The following SLC9A9 variants were observed in gnomAD, a reference collection of about 807,000 sequenced individuals.
SLC9A9 encodes sodium/hydrogen exchanger 9.
SLC9A9 carries 62 observed loss-of-function variants against 77.8 expected under a neutral mutation model. The observed-to-expected ratio is 0.80, with a 90% CI of 0.65 to 0.98. SLC9A9 has a LOEUF of 0.98. SLC9A9 is among the 50% of genes least tolerant of loss of function. The pLI is 0.00. For missense variants in SLC9A9, 775 were observed against 774.9 expected (o/e 1.00, Z 0.00); for synonymous variants, 320 against 283.5 (o/e 1.13, Z -1.29).
intron 2 of SLC9A9, among the ~76,000 whole-genome samples, chr3:143,825,213 T>A (rs6768399): frequency 0.031 from 4,679 of 152,306 alleles, 222 homozygotes; most frequent in African/African-American, 0.1. Context: ...TAGTGTTAAC[T>A]GTACATATTT....
chr3:143,345,836 T>C (rs76949591), intron 14 of SLC9A9, among the ~76,000 whole-genome samples: 1,816 of 152,126 alleles, frequency 0.012, 33 homozygotes, highest in African/African-American at 0.042. Flanking sequence ...AAGGGTGATA[T>C]GGAAATAGTG....
chr3:143,379,016 A>T (rs1355329238), intron 13 of SLC9A9, among the ~76,000 whole-genome samples: 1 of 150,970 alleles, frequency 6.6e-6, no homozygotes, highest in African/African-American at 2.4e-5. Context: ...ATTTAAAAAC[A>T]TATTAATATA....
At chr3:143,467,711 T>G (rs989568171) in intron 11 of SLC9A9, among the ~76,000 whole-genome samples, 2 of 128,954 alleles carry the variant, frequency 1.6e-5, no homozygotes, top group Non-Finnish European at 3.6e-5. Context: ...AGTGACAGAA[T>G]AAGTCCCTGG....
intron 12 of SLC9A9, among the ~76,000 whole-genome samples, chr3:143,409,311 T>C (rs1448813420): frequency 6.6e-6 from 1 of 152,218 alleles, no homozygotes; most frequent in Non-Finnish European, 1.5e-5. Flanking sequence ...CAATCGTTTT[T>C]GGGATAATGC....
At chr3:143,471,786 A>G (rs1310312845) in intron 11 of SLC9A9, among the ~76,000 whole-genome samples, 1 of 152,194 alleles carries the variant, frequency 6.6e-6, no homozygotes, top group Non-Finnish European at 1.5e-5. Flanking sequence ...CCAGTTGGAA[A>G]TTTAGCATCA....
At chr3:143,581,208 A>G (rs7632471) in intron 6 of SLC9A9, among the ~76,000 whole-genome samples, 3,716 of 152,248 alleles carry the variant, frequency 0.024, 136 homozygotes, top group African/African-American at 0.085. Flanking sequence ...GGCAGTGGAA[A>G]GAGTGTAAAG....
chr3:143,649,372 CT>C (rs2038760544), intron 6 of SLC9A9, among the ~76,000 whole-genome samples: 2 of 152,152 alleles, frequency 1.3e-5, no homozygotes, highest in African/African-American at 2.4e-5. Flanking sequence ...AACTTCAAAA[CT>C]TTTATGTTAA....
chr3:143,714,473 T>C (rs114404185), intron 4 of SLC9A9, among the ~76,000 whole-genome samples: 1,598 of 152,354 alleles, frequency 0.01, 34 homozygotes, highest in African/African-American at 0.037. Context: ...TCCAGTCTAA[T>C]ATATCTCTTC....
At chr3:143,807,304 T>A (rs1393607053) in intron 2 of SLC9A9, among the ~76,000 whole-genome samples, 1 of 152,176 alleles carries the variant, frequency 6.6e-6, no homozygotes, top group African/African-American at 2.4e-5. Flanking sequence ...AGATCATCAT[T>A]TTCAGCTTCT....
At chr3:143,304,396 A>T (rs1357182300) in intron 14 of SLC9A9, among the ~76,000 whole-genome samples, 1 of 152,214 alleles carries the variant, frequency 6.6e-6, no homozygotes, top group African/African-American at 2.4e-5. Flanking sequence ...TTCTGGTTAG[A>T]CATGGGATGT....
intron 4 of SLC9A9, among the ~76,000 whole-genome samples, chr3:143,713,497 G>A (rs1281141788): frequency 6.6e-6 from 1 of 152,088 alleles, no homozygotes; most frequent in African/African-American, 2.4e-5. Flanking sequence ...AGAAAGGCAG[G>A]GGAACAAAAA....
intron 15 of SLC9A9, among the ~76,000 whole-genome samples, chr3:143,268,118 C>T (rs1057223307): frequency 7.9e-5 from 12 of 152,170 alleles, no homozygotes; most frequent in African/African-American, 2.9e-4. Flanking sequence ...TGCCTGTGTA[C>T]AGGGCTAGCC....
At chr3:143,556,584 C>T (rs1053519158) in intron 8 of SLC9A9, among the ~76,000 whole-genome samples, 4 of 152,198 alleles carry the variant, frequency 2.6e-5, no homozygotes, top group Non-Finnish European at 4.4e-5. Flanking sequence ...CTCTTAGGAG[C>T]TTCTAGATTC....
intron 4 of SLC9A9, among the ~76,000 whole-genome samples, chr3:143,746,987 T>TC (rs1214470214): frequency 6.6e-6 from 1 of 152,104 alleles, no homozygotes; most frequent in African/African-American, 2.4e-5. Flanking sequence ...AAGCCTTTTT[T>TC]CCCCCTCAAA....
At position 143,694,829 on chromosome 3, in the gene SLC9A9, G is replaced by C. The variant is rs73009345; in HGVS notation, c.534-1522C>G. Among the ~76,000 whole-genome samples the C allele has an allele frequency of 8.9e-3, 1,362 of 152,218 alleles. 26 individuals are homozygous for C. The highest frequency in any genetic ancestry group is 0.031 in the African/African-American group (1,298 of 41,540). ...GTTAGTTGCTCTAGGTAGTCCAAAA[G>C]ACAGCAATGAAGTATCCCTAAGAAC... On this transcript the variant is annotated intron_variant, in intron 4 of 15. Transcript: ENST00000316549.
chr3:143,380,932 C>A (rs1053376823), intron 13 of SLC9A9, among the ~76,000 whole-genome samples: 2 of 152,176 alleles, frequency 1.3e-5, no homozygotes, highest in African/African-American at 4.8e-5. Context: ...CCTTAGAATA[C>A]AAATACGCTC....
chr3:143,844,756 TC>T (rs1559824792), intron 1 of SLC9A9, among the ~76,000 whole-genome samples: 1 of 149,152 alleles, frequency 6.7e-6, no homozygotes, highest in Non-Finnish European at 1.5e-5. Flanking sequence ...TTTCTTTCTT[TC>T]TTTCTTTCTT....
chr3:143,748,474 T>A (rs978982556), intron 4 of SLC9A9, among the ~76,000 whole-genome samples: 36 of 152,234 alleles, frequency 2.4e-4, no homozygotes, highest in African/African-American at 8.4e-4. Flanking sequence ...TATTTGGTTT[T>A]CTTTTTCTTT....
chr3:143,556,469 C>T (rs913528683), intron 8 of SLC9A9, among the ~76,000 whole-genome samples: 3 of 152,212 alleles, frequency 2.0e-5, no homozygotes, highest in African/African-American at 7.2e-5. Flanking sequence ...CTTGCTTCTT[C>T]CTATTTGCCT....
Sources: gnomAD v4.1 joint callset for allele counts (sites outside exome capture counted in the v4.1 genomes callset) on GRCh38, gnomAD v4.1.1 for gene constraint, MANE v1.5 for transcripts, NCBI Gene and HGNC (gene_info 2026-07-23, HGNC 2026-07-21) for gene names.